The following GAD2 variants were observed in gnomAD, a reference collection of about 807,000 sequenced individuals.
GAD2 encodes glutamate decarboxylase 2, also known as 65 kDa glutamic acid decarboxylase.
In GAD2, 22 loss-of-function variants were observed where a neutral mutation model predicts 80.1. That is an observed-to-expected ratio of 0.27 (90% confidence interval 0.20 to 0.39). The LOEUF (loss-of-function observed/expected upper bound fraction) is 0.39. Ranked by LOEUF, GAD2 falls within the 10% of genes least tolerant of loss-of-function variation. The pLI is 1.00. For synonymous variants in GAD2, 274 were observed against 256.9 expected (o/e 1.07, Z -0.64); for missense variants, 624 against 738.4 (o/e 0.85, Z 1.80).
At position 26,256,547 on chromosome 10, in the gene GAD2, C is replaced by T. The variant is rs945861152; in HGVS notation, c.920+10547C>T. 7.9e-5 allele frequency among the ~76,000 whole-genome samples: 12 copies of T among 152,242 alleles called. No individual in the cohort carries two copies. In the East Asian group the frequency reaches 1.4e-3, roughly 17 times the overall value. On this transcript the variant is annotated intron_variant, in intron 8 of 15. Coordinates refer to ENST00000376261, the MANE Select transcript of GAD2 (RefSeq NM_001134366.2). ...GGTCCCCTTTAATCTGCAATGTTTC[C>T]TCTGCCTGCCTTTGTCTCTCATGAC...
At chr10:26,252,935 G>C (rs2132293171) in intron 8 of GAD2, among the ~76,000 whole-genome samples, 1 of 152,286 alleles carries the variant, frequency 6.6e-6, no homozygotes, top group Non-Finnish European at 1.5e-5. Flanking sequence ...TGGGGTTACA[G>C]GTGTGAGCCA....
At chr10:26,254,691 C>T (rs767536289) in intron 8 of GAD2, among the ~76,000 whole-genome samples, 1 of 152,180 alleles carries the variant, frequency 6.6e-6, no homozygotes, top group African/African-American at 2.4e-5. Context: ...AGGGGAACAA[C>T]AGCATATTTT....
chr10:26,297,543 G>A (rs1296034236), intron 15 of GAD2, among the ~76,000 whole-genome samples: 1 of 152,154 alleles, frequency 6.6e-6, no homozygotes, highest in East Asian at 1.9e-4. Context: ...TACCTTTAGC[G>A]AATTCTTCAA....
intron 12 of GAD2, among the ~76,000 whole-genome samples, chr10:26,284,316 A>G (rs1285895087): frequency 6.6e-6 from 1 of 152,228 alleles, no homozygotes; most frequent in Admixed American, 6.5e-5. Context: ...TATGCTGATA[A>G]TTATTGCAGT....
At chr10:26,271,228 T>C (rs8190720) in intron 10 of GAD2, among the ~76,000 whole-genome samples, 2,116 of 152,298 alleles carry the variant, frequency 0.014, 58 homozygotes, top group African/African-American at 0.048. Flanking sequence ...AAAATAGGCT[T>C]GACAACTTCC....
At chr10:26,240,001 G>T in intron 7 of GAD2, among the ~76,000 whole-genome samples, 1 of 152,346 alleles carries the variant, frequency 6.6e-6, no homozygotes, top group East Asian at 1.9e-4. Flanking sequence ...CCTGTGATCT[G>T]TTAGGCAGTC....
At chr10:26,222,250 G>A (rs763056281) in intron 4 of GAD2, among the ~76,000 whole-genome samples, 35 of 152,094 alleles carry the variant, frequency 2.3e-4, no homozygotes, top group Non-Finnish European at 4.1e-4. Context: ...GATATCCAGA[G>A]GCACAACACA....
rs1364152319 is a variant in GAD2 at position 26,292,945 on chromosome 10, T to TG, written c.1539dup (p.Arg514AlafsTer7). On this transcript the variant is annotated frameshift_variant, in exon 15 of 16. Coordinates refer to ENST00000376261, the MANE Select transcript of GAD2 (RefSeq NM_001134366.2). LOFTEE classifies it high-confidence loss of function. ...TGCTTCTGGTACATTCCTCCAAGCT[T>TG]GCGTACTCTGGAAGACAATGAAGAG... The TG allele has an allele frequency of 6.2e-7, 1 of 1,614,008 alleles. No individual in the cohort carries two copies. Among genetic ancestry groups the TG allele is most frequent in the Non-Finnish European group, 8.5e-7 (1 of 1,179,936 alleles).
At position 26,223,960 on chromosome 10, in the gene GAD2, A is replaced by G. The variant is rs368195562; in HGVS notation, c.594A>G (p.Ser198=). 5.6e-6 allele frequency: 9 copies of G among 1,610,616 alleles called. No individual in the cohort carries two copies. In the African/African-American group the frequency reaches 8.1e-5, roughly 14 times the overall value. ...GATTAGCAGCAGACTGGCTGACATC[A>G]ACAGCAAATACTAACATGTAAGTAG... ...MVGLAADWLT[S]TANTNMFTYE... Residue 198 remains serine (S), a synonymous_variant, in exon 5 of 16, where the codon TCA becomes TCG. Coordinates refer to ENST00000376261, the MANE Select transcript of GAD2 (RefSeq NM_001134366.2).
chr10:26,241,006 C>G lies in GAD2; in HGVS notation c.841-4915C>G, dbSNP rs181159738. Among the ~76,000 whole-genome samples the G allele has an allele frequency of 2.1e-3, 320 of 151,964 alleles. 3 individuals carry two copies. Among genetic ancestry groups the G allele is most frequent in the African/African-American group, 7.6e-3 (313 of 41,404 alleles). ...GCAGTGAGCTGAGATCGTGCCACTG[C>G]ACTCCAGCCTGGGCGACAGAGTGAG... is the stretch of plus-strand genomic sequence containing the variant. On this transcript the variant is annotated intron_variant, in intron 7 of 15. Coordinates refer to ENST00000376261, the MANE Select transcript of GAD2 (RefSeq NM_001134366.2).
intron 7 of GAD2, among the ~76,000 whole-genome samples, chr10:26,244,139 A>G (rs1589142293): frequency 6.6e-6 from 1 of 152,224 alleles, no homozygotes; most frequent in Admixed American, 6.5e-5. Flanking sequence ...AAGATGTTCA[A>G]CCTCACGGAT....
At chr10:26,282,932 T>G (rs1845288157) in intron 12 of GAD2, among the ~76,000 whole-genome samples, 1 of 152,164 alleles carries the variant, frequency 6.6e-6, no homozygotes, top group African/African-American at 2.4e-5. Flanking sequence ...AAAAATCCAG[T>G]CCAATGTATT....
intron 8 of GAD2, among the ~76,000 whole-genome samples, chr10:26,268,383 G>GTT (rs1690747065): frequency 6.6e-6 from 1 of 151,712 alleles, no homozygotes; most frequent in Non-Finnish European, 1.5e-5. Context: ...CAGGAGAATG[G>GTT]TGTGAACCCG....
chr10:26,242,110 G>A (rs565685237), intron 7 of GAD2, among the ~76,000 whole-genome samples: 8 of 149,370 alleles, frequency 5.4e-5, no homozygotes, highest in Admixed American at 6.7e-5. Flanking sequence ...CTCAGCCTCC[G>A]GAGTAGCTGG....
At chr10:26,231,638 G>A (rs1433544619) in intron 7 of GAD2, among the ~76,000 whole-genome samples, 1 of 152,174 alleles carries the variant, frequency 6.6e-6, no homozygotes, top group African/African-American at 2.4e-5. Context: ...TGGAACAAAT[G>A]ATCACAAACT....
chr10:26,219,394 T>G, intron 4 of GAD2, 118 bp downstream of exon 4: 1 of 648,258 alleles, frequency 1.5e-6, no homozygotes, highest in East Asian at 2.8e-5. Flanking sequence ...GCAAAGTTAT[T>G]TTCATCATGT....
At chr10:26,225,547 CGTT>C (rs1416685674) in intron 6 of GAD2, among the ~76,000 whole-genome samples, 1 of 152,130 alleles carries the variant, frequency 6.6e-6, no homozygotes, top group Non-Finnish European at 1.5e-5. Flanking sequence ...CAACACCTGT[CGTT>C]GTGTCAGACA....
chr10:26,265,195 C>T (rs1431366775), intron 8 of GAD2, among the ~76,000 whole-genome samples: 1 of 147,124 alleles, frequency 6.8e-6, no homozygotes, highest in Non-Finnish European at 1.5e-5. Flanking sequence ...GATCCTATAG[C>T]ATCATACGAC....
At chr10:26,263,074 A>G (rs77160307) in intron 8 of GAD2, among the ~76,000 whole-genome samples, 10,528 of 152,242 alleles carry the variant, frequency 0.069, 450 homozygotes, top group Non-Finnish European at 0.099. Flanking sequence ...CATCACTTGC[A>G]TTGTTGTATA....
Sources: allele counts gnomAD v4.1 joint callset (sites outside exome capture counted in the v4.1 genomes callset), GRCh38; gene constraint gnomAD v4.1.1; transcripts MANE v1.5; gene names NCBI Gene and HGNC (gene_info 2026-07-23, HGNC 2026-07-21).